AK6: variants seen among roughly 807,000 people sequenced by gnomAD.
AK6 encodes the protein adenylate kinase 6, also known as adenylate kinase isoenzyme 6.
AK6 carries 24 observed loss-of-function variants against 23.7 expected under a neutral mutation model. That is an observed-to-expected ratio of 1.01 (90% CI 0.73 to 1.43). AK6 has a LOEUF of 1.43. Among genes scored for constraint, AK6 ranks in the 40% most tolerant of loss-of-function variants. The pLI is 0.00. For synonymous variants in AK6, 73 were observed against 69.8 expected, an observed-to-expected ratio of 1.05 and a Z score of -0.23; for missense variants, 191 against 199.1, an observed-to-expected ratio of 0.96 and a Z score of 0.24.
chr5:69,366,647 C>A, intron 1 of AK6, 52 bp from the exon 2 acceptor site: 1 of 1,263,262 alleles, frequency 7.9e-7, no homozygotes. Context: ...ACTTATCACA[C>A]TGCGGTCCAC....
chr5:69,369,226 A>ACACC, intron 1 of AK6: 1 of 123,114 alleles, frequency 8.1e-6, no homozygotes, highest in South Asian at 1.6e-4. Flanking sequence ...ACCTCTCTCC[A>ACACC]CCCCCCCCCG....
intron 2 of AK6, chr5:69,365,764 AT>A (rs756184782): frequency 8.0e-6 from 12 of 1,493,194 alleles, no homozygotes; most frequent in African/African-American, 1.4e-5. Flanking sequence ...ACTTTAGATC[AT>A]TTGAAAAAAA....
chr5:69,357,668 G>GA (rs1762117371), intron 2 of AK6, among the ~76,000 whole-genome samples: 1 of 152,034 alleles, frequency 6.6e-6, no homozygotes. Context: ...AAACACACAT[G>GA]AAAAAATACT....
At chr5:69,355,062 C>T (rs1008007335) in intron 4 of AK6, among the ~76,000 whole-genome samples, 2 of 152,096 alleles carry the variant, frequency 1.3e-5, no homozygotes, top group East Asian at 3.9e-4. Context: ...ATGTCCTGAC[C>T]TTGTGATCCT....
intron 4 of AK6, among the ~76,000 whole-genome samples, chr5:69,352,541 A>G (rs1369850077): frequency 6.6e-6 from 1 of 152,116 alleles, no homozygotes; most frequent in South Asian, 2.1e-4. Flanking sequence ...GCAAAATCTC[A>G]TAACTTAGTA....
chr5:69,369,624 G>A (rs1580337147), upstream of AK6: 1 of 1,570,122 alleles, frequency 6.4e-7, no homozygotes, highest in Non-Finnish European at 8.6e-7. Context: ...CCCCTAGCCT[G>A]CCCCGGCGGC....
chr5:69,358,517 C>CAAAAAAAAAA (rs5868577), intron 2 of AK6, among the ~76,000 whole-genome samples: 2 of 54,172 alleles, frequency 3.7e-5, no homozygotes, highest in Non-Finnish European at 6.2e-5. Flanking sequence ...GACTCTGTCT[C>CAAAAAAAAAA]AAAAAAAAAA....
In AK6 at chr5:69,351,738, T is replaced by G. The variant is rs1014985013; in HGVS notation, c.*323A>C. On this transcript the variant is annotated 3_prime_UTR_variant, in exon 5 of 5. Transcript: ENST00000380822. ...AAGGAATACTCTGTTGCTTTATCTTTAGTTTTATTTTAAGAGATCATCTGC... is the reference window on the plus strand; with the variant it reads ...AAGGAATACTCTGTTGCTTTATCTTGAGTTTTATTTTAAGAGATCATCTGC... 1.5e-5 allele frequency: 3 copies of G among 202,958 alleles called. No homozygotes were observed. The highest frequency in any genetic ancestry group is 6.9e-5 in the African/African-American group (3 of 43,540). The allele number at this position is 202,958 out of a possible 1,614,324, so 12.6% of individuals were successfully genotyped here. A position where few individuals can be genotyped will look rare whatever the true frequency, so the allele number is the denominator to read the frequency against.
chr5:69,366,485 C>A lies in AK6; in HGVS notation c.121+18G>T. On this transcript the variant is annotated intron_variant, in intron 2 of 4. Transcript: ENST00000380822. ...TAAAAAAAAAACAAAACAAATCTAACACCAAAGTGTCCCTTACCTTCTCGA... is the reference window on the plus strand; with the variant it reads ...TAAAAAAAAAACAAAACAAATCTAAAACCAAAGTGTCCCTTACCTTCTCGA... 6.3e-7 allele frequency: 1 copy of A among 1,592,124 alleles called. No homozygotes were observed. Among genetic ancestry groups the A allele is most frequent in the Non-Finnish European group, 8.6e-7 (1 of 1,162,126 alleles).
rs1761966458 is a variant in AK6 at position 69,352,226 on chromosome 5, G to A, written c.354C>T (p.Asp118=). The A allele has an allele frequency of 1.9e-6, 3 of 1,613,298 alleles. No homozygotes were observed. The highest frequency in any genetic ancestry group is 2.5e-6 in the Non-Finnish European group (3 of 1,179,632). The change falls in exon 5 of 5, where the codon GAC becomes GAT. Residue 118 remains aspartate (D), a synonymous_variant. Coordinates refer to ENST00000380822, the MANE Select transcript of AK6 (RefSeq NM_016283.5). ...TRGYNEKKLT[D]NIQCEIFQVL... is the part of the protein sequence containing the mutation. The stretch of plus-strand genomic sequence containing the variant: ...CTTGAAAAATCTCACACTGAATATT[G>A]TCTGTTAGTTTCTTCTCATTATAAC...
chr5:69,357,989 T>G (rs1205228246), intron 2 of AK6, among the ~76,000 whole-genome samples: 1 of 152,176 alleles, frequency 6.6e-6, no homozygotes. Flanking sequence ...ACATGATAAA[T>G]GCTCACATAT....
Position 69,367,385 on chromosome 5 carries a change from C to T in AK6, c.29-790G>A, listed in dbSNP as rs1308651662. Reference sequence around the variant, plus strand: ...ATTAGCCGGGCGTGGTGGCGCGTGCCTGTAATCCCAGCTACTCAGGAGGCT... The same window carrying T: ...ATTAGCCGGGCGTGGTGGCGCGTGCTTGTAATCCCAGCTACTCAGGAGGCT... On this transcript the variant is annotated intron_variant, in intron 1 of 4. Coordinates refer to ENST00000380822, the MANE Select transcript of AK6 (RefSeq NM_016283.5). 4.0e-5 allele frequency among the ~76,000 whole-genome samples: 6 copies of T among 151,478 alleles called. No individual in the cohort carries two copies. The East Asian group carries it at 1.2e-3, about 30-fold the overall frequency.
intron 2 of AK6, among the ~76,000 whole-genome samples, chr5:69,363,581 G>A (rs558099546): frequency 2.6e-4 from 39 of 151,930 alleles, no homozygotes; most frequent in Non-Finnish European, 5.0e-4. Context: ...TCAGGAGATC[G>A]AGACCAACCT....
upstream of AK6, chr5:69,369,793 C>G (rs918579131): frequency 2.3e-5 from 31 of 1,366,142 alleles, no homozygotes; most frequent in East Asian, 7.9e-4. Flanking sequence ...TTGCGCCGAC[C>G]AGTCTGGAAG....
chr5:69,355,893 A>C lies in AK6; in HGVS notation c.180+2T>G. Reference sequence around the variant, plus strand: ...CATACTTTATGAAAAAGTCATACTTACTCTGTCTTCATCTAAAATGGGACA... The same window carrying C: ...CATACTTTATGAAAAAGTCATACTTCCTCTGTCTTCATCTAAAATGGGACA... On this transcript the variant is annotated splice_donor_variant, in intron 3 of 4. Coordinates refer to ENST00000380822, the MANE Select transcript of AK6 (RefSeq NM_016283.5). LOFTEE classifies it high-confidence loss of function. 1 of 1,609,304 alleles carries C rather than the reference A, an allele frequency of 6.2e-7. No homozygotes were observed.
At position 69,366,486 on chromosome 5, in the gene AK6, A is replaced by G; in HGVS notation, c.121+17T>C. On this transcript the variant is annotated intron_variant, in intron 2 of 4. Coordinates refer to ENST00000380822, the MANE Select transcript of AK6 (RefSeq NM_016283.5). ...AAAAAAAAAACAAAACAAATCTAAC[A>G]CCAAAGTGTCCCTTACCTTCTCGAG... The G allele has an allele frequency of 6.2e-7, 1 of 1,602,226 alleles. No homozygotes were observed.
In AK6 at chr5:69,369,450, C is replaced by G. The variant is rs1762754630; in HGVS notation, c.28+13G>C. 1.2e-6 allele frequency: 2 copies of G among 1,610,218 alleles called. No individual in the cohort carries two copies. Among genetic ancestry groups the G allele is most frequent in the Non-Finnish European group, 1.7e-6 (2 of 1,179,082 alleles). On this transcript the variant is annotated intron_variant, in intron 1 of 4. Transcript: ENST00000380822. Reference sequence around the variant, plus strand: ...CTGCCCCAGCCCAGTCCCTCCCGGCCGCGCGCCCTGACCGGTGAGCAGGAT... The same window carrying G: ...CTGCCCCAGCCCAGTCCCTCCCGGCGGCGCGCCCTGACCGGTGAGCAGGAT...
Position 69,358,474 on chromosome 5 carries a change from C to T in AK6, c.122-2521G>A, listed in dbSNP as rs374335480. ...AGGAGGCTGCAGTGAGCTGAGATCG[C>T]GCCACTGCACTCCAGCCTGGGTGAC... On this transcript the variant is annotated intron_variant, in intron 2 of 4. Transcript: ENST00000380822. Among the ~76,000 whole-genome samples the T allele has an allele frequency of 1.5e-4, 21 of 139,518 alleles. No individual in the cohort carries two copies. The East Asian group carries it at 3.5e-3, about 23-fold the overall frequency. 91.5% of individuals were successfully genotyped at this position (139,518 alleles called of 152,430 possible).
intron 2 of AK6, among the ~76,000 whole-genome samples, chr5:69,362,351 T>A (rs1762263509): frequency 6.6e-6 from 1 of 152,134 alleles, no homozygotes; most frequent in South Asian, 2.1e-4. Context: ...TAGTTGAGAA[T>A]CACTTCATTA....
Sources: gnomAD v4.1 joint callset for allele counts (sites outside exome capture counted in the v4.1 genomes callset) on GRCh38, gnomAD v4.1.1 for gene constraint, MANE v1.5 for transcripts, NCBI Gene and HGNC (gene_info 2026-07-23, HGNC 2026-07-21) for gene names.